PITPNA: variants seen among roughly 807,000 people sequenced by gnomAD.
PITPNA encodes phosphatidylinositol transfer protein alpha, also known as phosphatidylinositol transfer protein alpha isoform.
A neutral mutation model predicts 50.3 loss-of-function variants in PITPNA; 13 were observed. The observed-to-expected ratio is 0.26, with a 90% confidence interval of 0.17 to 0.41. The LOEUF is 0.41. Among genes scored for constraint, PITPNA ranks in the 10% least tolerant of loss-of-function variants. The probability of loss-of-function intolerance (pLI) is 1.00; values close to 1 mark genes in which losing one functional copy is unlikely to be tolerated. For missense variants in PITPNA, 207 were observed against 333.4 expected, an observed-to-expected ratio of 0.62 and a Z score of 2.95; for synonymous variants, 120 against 119.6, an observed-to-expected ratio of 1.00 and a Z score of -0.02.
chr17:1,525,178 CG>C lies in PITPNA; in HGVS notation c.769-3534del, dbSNP rs1286874799. On this transcript the variant is annotated intron_variant, in intron 10 of 11. Transcript: ENST00000313486. Reference sequence around the variant, plus strand: ...CTAATTTTTGTATTTTTAGTACAGACGGGGTTTCACCATGTTGGTCAGGCTG... The same window carrying C: ...CTAATTTTTGTATTTTTAGTACAGACGGGTTTCACCATGTTGGTCAGGCTG... 2.6e-5 allele frequency among the ~76,000 whole-genome samples: 4 copies of C among 151,694 alleles called. 1 individual carries two copies. The highest frequency in any genetic ancestry group is 9.7e-5 in the African/African-American group (4 of 41,308).
At chr17:1,528,783 G>C (rs2075562607) in intron 10 of PITPNA, among the ~76,000 whole-genome samples, 1 of 151,958 alleles carries the variant, frequency 6.6e-6, no homozygotes, top group African/African-American at 2.4e-5. Context: ...TCCATAATTG[G>C]GGATGTTGGC....
chr17:1,524,220 G>A (rs143737385), intron 10 of PITPNA, among the ~76,000 whole-genome samples: 140 of 148,762 alleles, frequency 9.4e-4, no homozygotes, highest in Middle Eastern at 3.6e-3. Flanking sequence ...AATTTTTTGT[G>A]TTTTTAGTAG....
chr17:1,552,871 G>T, intron 3 of PITPNA, 133 bp downstream of exon 3: 1 of 881,398 alleles, frequency 1.1e-6, no homozygotes. Context: ...CATTTATACA[G>T]TCAGTATATA....
At chr17:1,548,204 G>A (rs1052524816) in intron 4 of PITPNA, 92 bp downstream of exon 4, 3 of 784,134 alleles carry the variant, frequency 3.8e-6, no homozygotes, top group Admixed American at 2.4e-5. Flanking sequence ...CCCAGCCCGA[G>A]CCTTTCCCTG....
chr17:1,535,671 A>T, intron 7 of PITPNA, 153 bp from the exon 8 acceptor site: 1 of 653,542 alleles, frequency 1.5e-6, no homozygotes, highest in Admixed American at 2.3e-5. Flanking sequence ...AAGATGTAGA[A>T]CTGTTTACAT....
chr17:1,531,429 C>G (rs1476125594), intron 10 of PITPNA, among the ~76,000 whole-genome samples: 1 of 152,076 alleles, frequency 6.6e-6, no homozygotes, highest in Non-Finnish European at 1.5e-5. Context: ...ACTGGGGAGG[C>G]TGAGGCAGGA....
At chr17:1,540,427 A>G (rs1469671835) in intron 6 of PITPNA, among the ~76,000 whole-genome samples, 1 of 152,152 alleles carries the variant, frequency 6.6e-6, no homozygotes, top group East Asian at 1.9e-4. Flanking sequence ...TTTTCTTTTA[A>G]TATGAAGGGC....
intron 10 of PITPNA, among the ~76,000 whole-genome samples, chr17:1,533,444 A>G (rs2075595974): frequency 6.6e-6 from 1 of 152,074 alleles, no homozygotes; most frequent in South Asian, 2.1e-4. Context: ...GCAGTAGGTA[A>G]AGGCCCTCAG....
intron 10 of PITPNA, among the ~76,000 whole-genome samples, chr17:1,531,693 C>T (rs2075584588): frequency 6.6e-6 from 1 of 151,652 alleles, no homozygotes; most frequent in Non-Finnish European, 1.5e-5. Context: ...CTAAGAGCAT[C>T]AGCATAGATT....
chr17:1,520,985 C>T (rs1428521925), intron 11 of PITPNA, among the ~76,000 whole-genome samples: 2 of 152,010 alleles, frequency 1.3e-5, no homozygotes, highest in East Asian at 1.9e-4. Context: ...CGAGAGTTAA[C>T]GGAAGGAGGG....
rs371243344 is a variant in PITPNA at position 1,534,057 on chromosome 17, C to T, written c.768+42G>A. The T allele has an allele frequency of 2.2e-5, 35 of 1,610,936 alleles. No homozygotes were observed. In the African/African-American group the frequency reaches 2.4e-4, roughly 11 times the overall value. ...CCAGCAAAACAGTCTCCTTAATCTT[C>T]GTTTGTTTATCTAATTGAGAGCCCC... On this transcript the variant is annotated intron_variant, in intron 10 of 11. Coordinates refer to ENST00000313486, the MANE Select transcript of PITPNA (RefSeq NM_006224.4).
chr17:1,541,557 A>G lies in PITPNA; in HGVS notation c.372+9T>C. ...CTCACCCCTGGGGCTTTTGGGAACTACTACTCACATTCTCCTGCGTGCCAA... is the reference window on the plus strand; with the variant it reads ...CTCACCCCTGGGGCTTTTGGGAACTGCTACTCACATTCTCCTGCGTGCCAA... On this transcript the variant is annotated intron_variant, in intron 6 of 11. Transcript: ENST00000313486. 1 of 1,605,884 alleles carries G rather than the reference A, an allele frequency of 6.2e-7. No homozygotes were observed. The highest frequency in any genetic ancestry group is 1.1e-5 in the South Asian group (1 of 90,918).
chr17:1,555,527 A>G (rs2075730892), intron 2 of PITPNA, among the ~76,000 whole-genome samples: 1 of 152,208 alleles, frequency 6.6e-6, no homozygotes, highest in Non-Finnish European at 1.5e-5. Context: ...CTGGGAATCT[A>G]GCCTCCTCAG....
chr17:1,537,877 T>C (rs2075627291), intron 7 of PITPNA, among the ~76,000 whole-genome samples: 1 of 152,164 alleles, frequency 6.6e-6, no homozygotes, highest in African/African-American at 2.4e-5. Flanking sequence ...CTCTGCTCAC[T>C]GCAACCTCTG....
chr17:1,535,777 A>T (rs1348235589), intron 7 of PITPNA: 2 of 493,158 alleles, frequency 4.1e-6, no homozygotes, highest in African/African-American at 3.9e-5. Flanking sequence ...GAGCAGGCAC[A>T]TATTTACCGT....
At chr17:1,556,027 T>C (rs1215182618) in intron 2 of PITPNA, among the ~76,000 whole-genome samples, 1 of 152,220 alleles carries the variant, frequency 6.6e-6, no homozygotes, top group Non-Finnish European at 1.5e-5. Flanking sequence ...CCTCAAGTCA[T>C]GGCCTCCAAT....
chr17:1,536,781 C>T (rs775368825), intron 7 of PITPNA, among the ~76,000 whole-genome samples: 16 of 150,516 alleles, frequency 1.1e-4, no homozygotes, highest in African/African-American at 4.9e-5. Context: ...TTTGTAGAGA[C>T]GGGGTTTCAC....
At chr17:1,542,051 T>C (rs1204348900) in intron 5 of PITPNA, among the ~76,000 whole-genome samples, 1 of 151,708 alleles carries the variant, frequency 6.6e-6, no homozygotes, top group Non-Finnish European at 1.5e-5. Flanking sequence ...AATACAAAAA[T>C]TATCCAGGCA....
intron 10 of PITPNA, among the ~76,000 whole-genome samples, chr17:1,527,369 G>A (rs933182789): frequency 6.6e-6 from 1 of 151,946 alleles, no homozygotes; most frequent in East Asian, 1.9e-4. Flanking sequence ...TCAGCCTCCC[G>A]AGTAGCTGGG....
Sources: gnomAD v4.1 joint callset for allele counts (sites outside exome capture counted in the v4.1 genomes callset) on GRCh38, gnomAD v4.1.1 for gene constraint, MANE v1.5 for transcripts, NCBI Gene and HGNC (gene_info 2026-07-23, HGNC 2026-07-21) for gene names.